The following CRLF3 variants were observed in gnomAD, a reference collection of about 807,000 sequenced individuals.
The protein encoded by CRLF3 is cytokine receptor-like factor 3.
A neutral mutation model predicts 55.0 loss-of-function variants in CRLF3; 33 were observed. The ratio of observed to expected loss-of-function variants is 0.60; its 90% CI spans 0.46 to 0.80. The LOEUF (loss-of-function observed/expected upper bound fraction) is 0.80. Ranked by LOEUF, CRLF3 falls within the 30% of genes least tolerant of loss-of-function variation. The pLI is 0.00. For synonymous variants in CRLF3, 238 were observed against 196.8 expected (o/e 1.21, Z -1.75); for missense variants, 494 against 538.4 (o/e 0.92, Z 0.82).
chr17:30,815,210 C>T (rs903061320), intron 1 of CRLF3, among the ~76,000 whole-genome samples: 4 of 149,780 alleles, frequency 2.7e-5, no homozygotes, highest in Non-Finnish European at 5.9e-5. Context: ...CTCAGCCTCC[C>T]GGGTAGCTGG....
At chr17:30,793,245 G>A (rs114615048) in intron 5 of CRLF3, among the ~76,000 whole-genome samples, 1 of 142,000 alleles carries the variant, frequency 7.0e-6, no homozygotes, top group African/African-American at 3.0e-5. Context: ...TAAAAATCTT[G>A]TCCAGCATTT....
intron 7 of CRLF3, 155 bp from the exon 8 acceptor site, chr17:30,784,598 G>C (rs1220784835): frequency 6.2e-6 from 4 of 640,532 alleles, no homozygotes; most frequent in Non-Finnish European, 8.0e-6. Context: ...TCTGTCCAGG[G>C]TTGTACTCTT....
chr17:30,819,885 A>G (rs1306772615), intron 1 of CRLF3, among the ~76,000 whole-genome samples: 2 of 152,240 alleles, frequency 1.3e-5, no homozygotes, highest in Non-Finnish European at 2.9e-5. Context: ...CCATGAGGGC[A>G]GTGATCTATT....
intron 1 of CRLF3, among the ~76,000 whole-genome samples, chr17:30,810,710 T>C (rs902871504): frequency 2.0e-5 from 3 of 152,228 alleles, no homozygotes; most frequent in African/African-American, 7.2e-5. Context: ...ATTTCAATAC[T>C]AAGCCACCCA....
chr17:30,803,524 G>A (rs1160423207), intron 2 of CRLF3: 2 of 191,840 alleles, frequency 1.0e-5, no homozygotes, highest in East Asian at 1.5e-4. Flanking sequence ...ATATAATTTG[G>A]CTCTGTGTCC....
At chr17:30,819,032 G>T (rs568786096) in intron 1 of CRLF3, among the ~76,000 whole-genome samples, 1 of 151,568 alleles carries the variant, frequency 6.6e-6, no homozygotes, top group African/African-American at 2.4e-5. Context: ...TTGAAGGCTG[G>T]TCTCAAACTC....
In CRLF3 at chr17:30,792,449, A is replaced by T; in HGVS notation, c.950T>A (p.Leu317Ter). 6.2e-7 allele frequency: 1 copy of T among 1,609,638 alleles called. No individual in the cohort carries two copies. The highest frequency in any genetic ancestry group is 8.5e-7 in the Non-Finnish European group (1 of 1,176,230). ...RAPTYFCGQTLTFRVETVGQP... is the reference protein window; with the variant it reads ...RAPTYFCGQT ...TTTAATATCTACTTGCCTGAATGTT[A>T]ATGTCTGCCCACAGAAATAAGTCGG... The change falls in exon 6 of 8, where the codon TTA becomes TAA. Residue 317 changes from leucine to a stop codon, truncating the protein, a stop_gained. Transcript: ENST00000324238. LOFTEE classifies it high-confidence loss of function.
intron 6 of CRLF3, among the ~76,000 whole-genome samples, chr17:30,787,227 CATT>C (rs1426703296): frequency 1.3e-5 from 2 of 152,192 alleles, no homozygotes; most frequent in Non-Finnish European, 2.9e-5. Context: ...TCATAGTTGA[CATT>C]ATAATTTATG....
At chr17:30,806,242 G>C (rs934864978) in intron 1 of CRLF3, among the ~76,000 whole-genome samples, 3 of 152,082 alleles carry the variant, frequency 2.0e-5, no homozygotes, top group Non-Finnish European at 4.4e-5. Flanking sequence ...CAAAGTTATT[G>C]AAAGAGAAGA....
intron 1 of CRLF3, chr17:30,810,075 A>G (rs1454101662): frequency 6.6e-6 from 1 of 152,228 alleles, no homozygotes; most frequent in Non-Finnish European, 1.5e-5. Context: ...TGGACAACCA[A>G]TCAGCTTCAA....
intron 6 of CRLF3, among the ~76,000 whole-genome samples, chr17:30,788,358 G>A (rs1161546665): frequency 7.0e-6 from 1 of 142,918 alleles, no homozygotes; most frequent in Non-Finnish European, 1.5e-5. Flanking sequence ...AGAAAAGAAA[G>A]AAGGAAACCT....
chr17:30,822,802 G>A (rs1283262277), intron 1 of CRLF3, among the ~76,000 whole-genome samples: 1 of 151,902 alleles, frequency 6.6e-6, no homozygotes, highest in Non-Finnish European at 1.5e-5. Flanking sequence ...AATAATCATG[G>A]TCATATAGAA....
Position 30,824,506 on chromosome 17 carries a change from G to A in CRLF3, c.129+17C>T, listed in dbSNP as rs1597937714. 6.3e-7 allele frequency: 1 copy of A among 1,579,554 alleles called. No homozygotes were observed. The highest frequency in any genetic ancestry group is 8.6e-7 in the Non-Finnish European group (1 of 1,168,684). On this transcript the variant is annotated intron_variant, in intron 1 of 7. Transcript: ENST00000324238. ...ACCCCCGGGCCCACAGCGCCCCTGT[G>A]GGTGTGGCCCTCCGACCTGCCTCCG... is the stretch of plus-strand genomic sequence containing the variant.
At chr17:30,786,117 T>A (rs534482717) in intron 6 of CRLF3, 86 bp from the exon 7 acceptor site, 2 of 756,908 alleles carry the variant, frequency 2.6e-6, no homozygotes, top group Non-Finnish European at 4.6e-6. Flanking sequence ...AAAAGAGCAA[T>A]CTCACCACAA....
At chr17:30,797,519 GTC>G in intron 2 of CRLF3, 121 bp from the exon 3 acceptor site, 1 of 733,512 alleles carries the variant, frequency 1.4e-6, no homozygotes, top group Admixed American at 2.3e-5. Context: ...TGATGCCACA[GTC>G]AAATTCCCAA....
At chr17:30,800,607 T>TAA (rs529272605) in intron 2 of CRLF3, among the ~76,000 whole-genome samples, 7 of 141,816 alleles carry the variant, frequency 4.9e-5, no homozygotes, top group East Asian at 2.1e-4. Context: ...TTCTACTTCT[T>TAA]AAAAAAAAAA....
Position 30,793,512 on chromosome 17 carries a change from C to G in CRLF3, c.764G>C (p.Gly255Ala), listed in dbSNP as rs778496168. 1 of 1,614,142 alleles carries G rather than the reference C, an allele frequency of 6.2e-7. No homozygotes were observed. Among genetic ancestry groups the G allele is most frequent in the South Asian group, 1.1e-5 (1 of 91,088 alleles). Reference sequence around the variant, plus strand: ...ACTCCAAGGACTCCACTCCTGTCGGCCATCTCCTCGGGCGCAGACTCTGAA... The same window carrying G: ...ACTCCAAGGACTCCACTCCTGTCGGGCATCTCCTCGGGCGCAGACTCTGAA... ...YQFRVCARGD[G>A]RQEWSPWSVP... Residue 255 changes from glycine (G) to alanine (A), a missense_variant, in exon 5 of 8, where the codon GGC becomes GCC. By Grantham distance (60) the Gly-to-Ala change is moderately conservative. Transcript: ENST00000324238.
intron 7 of CRLF3, 87 bp from the exon 8 acceptor site, chr17:30,784,530 A>C: frequency 5.8e-5 from 68 of 1,178,348 alleles, no homozygotes; most frequent in Non-Finnish European, 7.8e-5. Flanking sequence ...AACACAGCTC[A>C]TTTCCTAATT....
At chr17:30,792,085 T>TG (rs1300178515) in intron 6 of CRLF3, among the ~76,000 whole-genome samples, 1 of 152,152 alleles carries the variant, frequency 6.6e-6, no homozygotes, top group East Asian at 1.9e-4. Context: ...CGACCTCAGG[T>TG]GATCCACCTG....
Sources: allele counts gnomAD v4.1 joint callset (sites outside exome capture counted in the v4.1 genomes callset), GRCh38; gene constraint gnomAD v4.1.1; transcripts MANE v1.5; gene names NCBI Gene and HGNC (gene_info 2026-07-23, HGNC 2026-07-21).